The following IL1RL2 variants were observed in gnomAD, a reference collection of about 807,000 sequenced individuals.
IL1RL2 encodes the protein interleukin-1 receptor-like 2.
A neutral mutation model predicts 66.8 loss-of-function variants in IL1RL2; 68 were observed. The observed-to-expected ratio is 1.02, with a 90% CI of 0.84 to 1.25. The LOEUF (loss-of-function observed/expected upper bound fraction) is 1.25. IL1RL2 is among the 50% of genes most tolerant of loss of function. The pLI is 0.00. For missense variants in IL1RL2, 729 were observed against 709.3 expected, an observed-to-expected ratio of 1.03 and a Z score of -0.32; for synonymous variants, 305 against 264.6, an observed-to-expected ratio of 1.15 and a Z score of -1.48.
chr2:102,187,021 G>A, upstream of IL1RL2: 1 of 1,289,788 alleles, frequency 7.8e-7, no homozygotes, highest in Non-Finnish European at 1.0e-6. Flanking sequence ...TGGCATGACA[G>A]GGCTCGTGTC....
chr2:102,216,983 A>G (rs1249903562), intron 6 of IL1RL2, among the ~76,000 whole-genome samples: 1 of 152,260 alleles, frequency 6.6e-6, no homozygotes, highest in East Asian at 1.9e-4. Flanking sequence ...ACTTATTACT[A>G]GAGTCTTGAA....
At position 102,219,006 on chromosome 2, in the gene IL1RL2, C is replaced by G; in HGVS notation, c.778C>G (p.Leu260Val). The change falls in exon 7 of 12, where the codon CTA becomes GTA. Residue 260 changes from leucine (L) to valine (V), a missense_variant. Physicochemically the swap from Leu to Val is conservative, Grantham distance 32. Coordinates refer to ENST00000264257, the MANE Select transcript of IL1RL2 (RefSeq NM_003854.4). ...AACAGACACCAAGGATAATACAAAT[C>G]TACGATGCTGGAGAGTCAATAACAC... ...NVTDTKDNTN[L>V]RCWRVNNTLV... 6.2e-7 allele frequency: 1 copy of G among 1,613,618 alleles called. No individual in the cohort carries two copies. The highest frequency in any genetic ancestry group is 8.5e-7 in the Non-Finnish European group (1 of 1,179,590).
chr2:102,239,352 C>T lies in IL1RL2; in HGVS notation c.*111C>T, dbSNP rs899284641. On this transcript the variant is annotated 3_prime_UTR_variant, in exon 12 of 12. Transcript: ENST00000264257. ...ATGAGGCTAGGGTTAGCATTCTAGA[C>T]ACCCAGTTGAGCTCAGGCGTAGAGA... 21 of 1,004,918 alleles carry T rather than the reference C, an allele frequency of 2.1e-5. No individual in the cohort carries two copies. In the African/African-American group the frequency reaches 2.9e-4, roughly 14 times the overall value. 62.3% of individuals were successfully genotyped at this position (1,004,918 alleles called of 1,614,324 possible).
At chr2:102,199,226 C>T (rs1688032223) in intron 4 of IL1RL2, among the ~76,000 whole-genome samples, 1 of 152,142 alleles carries the variant, frequency 6.6e-6, no homozygotes, top group South Asian at 2.1e-4. Context: ...TTTAGCATTG[C>T]ACTATTTTAA....
At position 102,233,105 on chromosome 2, in the gene IL1RL2, A is replaced by T. The variant is rs759026764; in HGVS notation, c.1278A>T (p.Arg426Ser). 3.1e-6 allele frequency: 5 copies of T among 1,611,806 alleles called. No homozygotes were observed. Among genetic ancestry groups the T allele is most frequent in the Non-Finnish European group, 4.2e-6 (5 of 1,178,258 alleles). Residue 426 changes from arginine to serine, a missense_variant, in exon 10 of 12, where the codon AGA (arginine) becomes AGT (serine). Coordinates refer to ENST00000264257, the MANE Select transcript of IL1RL2 (RefSeq NM_003854.4). ...QCGYKLFIFG[R>S]DEFPGQAVAN... The stretch of plus-strand genomic sequence containing the variant: ...GATATAAGTTGTTTATATTCGGCAG[A>T]GATGAATTCCCTGGACAAGGTGGGT...
At chr2:102,220,805 A>T (rs1690052897) in intron 8 of IL1RL2, among the ~76,000 whole-genome samples, 1 of 152,196 alleles carries the variant, frequency 6.6e-6, no homozygotes, top group African/African-American at 2.4e-5. Context: ...ACATCAAGCT[A>T]AAGCCCCACC....
intron 8 of IL1RL2, among the ~76,000 whole-genome samples, chr2:102,224,920 C>T (rs1054687569): frequency 6.6e-6 from 1 of 152,150 alleles, no homozygotes; most frequent in African/African-American, 2.4e-5. Flanking sequence ...AAAAAACCCT[C>T]TTCCTCCCCT....
intron 11 of IL1RL2, among the ~76,000 whole-genome samples, chr2:102,236,671 A>G (rs1674916444): frequency 6.6e-6 from 1 of 152,184 alleles, no homozygotes; most frequent in Non-Finnish European, 1.5e-5. Flanking sequence ...ACCACCATCC[A>G]TTCCAGAATT....
chr2:102,190,149 G>C (rs1258267387), intron 3 of IL1RL2, among the ~76,000 whole-genome samples: 1 of 152,208 alleles, frequency 6.6e-6, no homozygotes, highest in African/African-American at 2.4e-5. Flanking sequence ...TGGTCAGCTG[G>C]AAAACACATG....
chr2:102,220,393 C>A (rs1689999845), intron 8 of IL1RL2, among the ~76,000 whole-genome samples: 1 of 152,028 alleles, frequency 6.6e-6, no homozygotes, highest in African/African-American at 2.4e-5. Flanking sequence ...TATATTTTTA[C>A]CATGGAACTT....
Position 102,226,034 on chromosome 2 carries a change from C to A in IL1RL2, c.1128C>A (p.Thr376=), listed in dbSNP as rs750818791. Residue 376 remains threonine (T), a synonymous_variant, in exon 9 of 12, where the codon ACC becomes ACA. Coordinates refer to ENST00000264257, the MANE Select transcript of IL1RL2 (RefSeq NM_003854.4). ...GAAGTGCCTTCCATTCTACAGAGAC[C>A]ATAGTAGGTAAGTGTGTGTAATCAC... ...WYRSAFHSTE[T]IVDGKLYDAY... is the part of the protein sequence containing the mutation. 1 of 1,593,110 alleles carries A rather than the reference C, an allele frequency of 6.3e-7. No homozygotes were observed. Among genetic ancestry groups the A allele is most frequent in the Non-Finnish European group, 8.5e-7 (1 of 1,170,318 alleles).
intron 4 of IL1RL2, among the ~76,000 whole-genome samples, chr2:102,194,061 T>A (rs961019525): frequency 5.3e-5 from 8 of 152,136 alleles, no homozygotes; most frequent in African/African-American, 1.7e-4. Context: ...AATTACCCTT[T>A]CCCATGAAAG....
intron 3 of IL1RL2, among the ~76,000 whole-genome samples, chr2:102,190,873 ATAT>A (rs975968727): frequency 2.0e-5 from 3 of 152,248 alleles, no homozygotes; most frequent in African/African-American, 7.2e-5. Context: ...ATTGACGAAG[ATAT>A]TATCTGCCAT....
chr2:102,236,447 C>A (rs530790555), intron 11 of IL1RL2, among the ~76,000 whole-genome samples: 33 of 152,306 alleles, frequency 2.2e-4, no homozygotes, highest in Non-Finnish European at 2.6e-4. Context: ...GCTAAGGAAC[C>A]CACTCCTGTC....
intron 3 of IL1RL2, among the ~76,000 whole-genome samples, chr2:102,191,091 A>G (rs1219978308): frequency 6.6e-6 from 1 of 151,994 alleles, no homozygotes; most frequent in Admixed American, 6.5e-5. Context: ...TTATCTTATA[A>G]TTTTCTCTTT....
At chr2:102,218,262 A>G (rs1689783570) in intron 6 of IL1RL2, among the ~76,000 whole-genome samples, 1 of 152,188 alleles carries the variant, frequency 6.6e-6, no homozygotes. Flanking sequence ...TGTTTGGTAC[A>G]TGTGTGTTAT....
intron 9 of IL1RL2, among the ~76,000 whole-genome samples, chr2:102,228,624 A>G (rs918184016): frequency 6.6e-6 from 1 of 152,234 alleles, no homozygotes; most frequent in African/African-American, 2.4e-5. Flanking sequence ...TCTTTGGAGA[A>G]TGTGCATGTA....
At chr2:102,220,978 G>A (rs960920849) in intron 8 of IL1RL2, among the ~76,000 whole-genome samples, 41 of 152,296 alleles carry the variant, frequency 2.7e-4, no homozygotes, top group African/African-American at 9.6e-4. Flanking sequence ...CTCTGGGTGT[G>A]CACATTCTCT....
At chr2:102,231,215 G>A (rs1412525722) in intron 9 of IL1RL2, among the ~76,000 whole-genome samples, 1 of 152,158 alleles carries the variant, frequency 6.6e-6, no homozygotes, top group East Asian at 1.9e-4. Context: ...TTCTGAAGCT[G>A]CACCCCTGCA....
Sources: allele counts gnomAD v4.1 joint callset (sites outside exome capture counted in the v4.1 genomes callset), GRCh38; gene constraint gnomAD v4.1.1; transcripts MANE v1.5; gene names NCBI Gene and HGNC (gene_info 2026-07-23, HGNC 2026-07-21).